SEZ6L: variants seen among roughly 807,000 people sequenced by gnomAD.
The protein encoded by SEZ6L is seizure related 6 homolog like, also known as seizure 6-like protein.
A neutral mutation model predicts 106.2 loss-of-function variants in SEZ6L; 37 were observed. The ratio of observed to expected loss-of-function variants is 0.35; its 90% confidence interval spans 0.27 to 0.46. The LOEUF (loss-of-function observed/expected upper bound fraction) is 0.46. SEZ6L is among the 20% of genes least tolerant of loss of function. The probability of loss-of-function intolerance (pLI) is 1.00; values close to 1 mark genes in which losing one functional copy is unlikely to be tolerated. For missense variants in SEZ6L, 1,172 were observed against 1,332.8 expected, an observed-to-expected ratio of 0.88 and a Z score of 1.88; for synonymous variants, 541 against 570.4, an observed-to-expected ratio of 0.95 and a Z score of 0.73.
intron 1 of SEZ6L, among the ~76,000 whole-genome samples, chr22:26,281,307 G>A (rs1415685309): frequency 6.6e-6 from 1 of 152,092 alleles, no homozygotes; most frequent in Non-Finnish European, 1.5e-5. Context: ...CCCACCAGGA[G>A]GAAGGCCTGA....
intron 10 of SEZ6L, among the ~76,000 whole-genome samples, chr22:26,342,934 T>A (rs2082888851): frequency 6.6e-6 from 1 of 152,240 alleles, no homozygotes; most frequent in Non-Finnish European, 1.5e-5. Flanking sequence ...TATTTCCAGA[T>A]GGTGAACATT....
chr22:26,313,635 T>A, intron 8 of SEZ6L, 129 bp from the exon 9 acceptor site: 2 of 992,126 alleles, frequency 2.0e-6, no homozygotes, highest in Non-Finnish European at 1.5e-6. Context: ...CTGCCCGAGG[T>A]GAAGACACCT....
At chr22:26,287,397 TTTGA>T (rs768155395) in intron 1 of SEZ6L, among the ~76,000 whole-genome samples, 3 of 152,184 alleles carry the variant, frequency 2.0e-5, no homozygotes, top group Non-Finnish European at 2.9e-5. Flanking sequence ...CACCCAACAC[TTTGA>T]TTGATTGACC....
chr22:26,315,872 A>C (rs1252382806), intron 9 of SEZ6L, among the ~76,000 whole-genome samples: 1 of 152,066 alleles, frequency 6.6e-6, no homozygotes, highest in Non-Finnish European at 1.5e-5. Flanking sequence ...AGCCTAGGCA[A>C]CATAGTGAGA....
At position 26,204,257 on chromosome 22, in the gene SEZ6L, A is replaced by G. The variant is rs543093887; in HGVS notation, c.94+34494A>G. 1.2e-4 allele frequency among the ~76,000 whole-genome samples: 19 copies of G among 152,304 alleles called. No individual in the cohort carries two copies. The East Asian group carries it at 2.7e-3, about 22-fold the overall frequency. Reference sequence around the variant, plus strand: ...GTCCCTCTTGGGACTCTTAATCCATATGGGAAGTCAGTCATGACACAGATG... The same window carrying G: ...GTCCCTCTTGGGACTCTTAATCCATGTGGGAAGTCAGTCATGACACAGATG... On this transcript the variant is annotated intron_variant, in intron 1 of 16. Transcript: ENST00000248933.
chr22:26,380,593 G>T lies in SEZ6L; in HGVS notation c.*298G>T. ...GCAGCAAAAACACAAAACAGCAGAT[G>T]GAGTTTCTCCCATCAGCAATGCCAT... On this transcript the variant is annotated 3_prime_UTR_variant, in exon 17 of 17. Coordinates refer to ENST00000248933, the MANE Select transcript of SEZ6L (RefSeq NM_021115.5). The T allele has an allele frequency of 2.9e-6, 1 of 341,110 alleles. No individual in the cohort carries two copies. 21.1% of individuals were successfully genotyped at this position (341,110 alleles called of 1,614,324 possible).
chr22:26,184,716 A>C (rs1056815883), intron 1 of SEZ6L, among the ~76,000 whole-genome samples: 2 of 152,198 alleles, frequency 1.3e-5, no homozygotes, highest in Non-Finnish European at 2.9e-5. Flanking sequence ...CGGATCATTC[A>C]ATGTTTGCAT....
At chr22:26,341,584 T>C (rs565431078) in intron 10 of SEZ6L, among the ~76,000 whole-genome samples, 95 of 152,236 alleles carry the variant, frequency 6.2e-4, no homozygotes, top group South Asian at 1.2e-3. Context: ...TCCAAATCCA[T>C]CTATCCAACT....
Position 26,369,180 on chromosome 22 carries a change from TG to T in SEZ6L, c.2794+3617del, listed in dbSNP as rs142609730. Among the ~76,000 whole-genome samples the T allele has an allele frequency of 7.4e-3, 1,120 of 151,822 alleles. 9 individuals carry two copies. The highest frequency in any genetic ancestry group is 0.014 in the Middle Eastern group (4 of 294). ...CCTTTCCACGGAGATTCTGATTCAC[TG>T]GGTCTAAAGCAGGACCCAGGGACCA... On this transcript the variant is annotated intron_variant, in intron 13 of 16. Coordinates refer to ENST00000248933, the MANE Select transcript of SEZ6L (RefSeq NM_021115.5).
At chr22:26,191,939 A>G (rs1940247327) in intron 1 of SEZ6L, among the ~76,000 whole-genome samples, 1 of 152,056 alleles carries the variant, frequency 6.6e-6, no homozygotes, top group African/African-American at 2.4e-5. Flanking sequence ...GAGTGAGGGC[A>G]CATCCACTAA....
At position 26,300,947 on chromosome 22, in the gene SEZ6L, G is replaced by A. The variant is rs539922232; in HGVS notation, c.1348+1778G>A. On this transcript the variant is annotated intron_variant, in intron 5 of 16. Transcript: ENST00000248933. ...TCACTTACTGACAGTGTTATTTGAT[G>A]CACAAAGCTTTTACATTTGGCAAAA... 1.8e-4 allele frequency among the ~76,000 whole-genome samples: 27 copies of A among 152,350 alleles called. No homozygotes were observed. The South Asian group carries it at 5.4e-3, about 30-fold the overall frequency.
At chr22:26,341,025 C>T (rs960379275) in intron 10 of SEZ6L, among the ~76,000 whole-genome samples, 9 of 151,198 alleles carry the variant, frequency 6.0e-5, no homozygotes, top group Admixed American at 1.3e-4. Context: ...TGAGATCTTA[C>T]ATCAACATAC....
chr22:26,231,337 C>T (rs549268055), intron 1 of SEZ6L, among the ~76,000 whole-genome samples: 3 of 152,268 alleles, frequency 2.0e-5, no homozygotes, highest in Admixed American at 2.0e-4. Context: ...TGACATGGAA[C>T]TCTGGTGAGC....
chr22:26,197,997 G>A (rs371052534), intron 1 of SEZ6L, among the ~76,000 whole-genome samples: 1 of 152,208 alleles, frequency 6.6e-6, no homozygotes, highest in African/African-American at 2.4e-5. Flanking sequence ...GGTGACACCA[G>A]ATCTCCCTGA....
intron 2 of SEZ6L, among the ~76,000 whole-genome samples, chr22:26,293,703 G>A (rs1175122950): frequency 1.3e-5 from 2 of 152,180 alleles, no homozygotes; most frequent in Admixed American, 1.3e-4. Context: ...CACAGCTAAT[G>A]AGCAAGATTC....
At chr22:26,326,790 G>A (rs1261570651) in intron 9 of SEZ6L, among the ~76,000 whole-genome samples, 1 of 152,208 alleles carries the variant, frequency 6.6e-6, no homozygotes, top group Non-Finnish European at 1.5e-5. Context: ...GGGCCGAGGT[G>A]GCAGGAAGCC....
At chr22:26,218,528 G>A (rs1480293532) in intron 1 of SEZ6L, among the ~76,000 whole-genome samples, 2 of 152,212 alleles carry the variant, frequency 1.3e-5, no homozygotes, top group African/African-American at 4.8e-5. Context: ...TAGGCTGGGC[G>A]TGGTGGCTTA....
chr22:26,288,063 G>T (rs150851769), intron 1 of SEZ6L, among the ~76,000 whole-genome samples: 1 of 152,186 alleles, frequency 6.6e-6, no homozygotes. Context: ...AGCCAGTTGG[G>T]GAATCTGTTT....
chr22:26,175,313 A>G (rs916000706), intron 1 of SEZ6L, among the ~76,000 whole-genome samples: 8 of 152,240 alleles, frequency 5.3e-5, no homozygotes, highest in African/African-American at 1.7e-4. Flanking sequence ...AGCATTTACT[A>G]TATCTCAGGC....
Sources: allele counts gnomAD v4.1 joint callset (sites outside exome capture counted in the v4.1 genomes callset), GRCh38; gene constraint gnomAD v4.1.1; transcripts MANE v1.5; gene names NCBI Gene and HGNC (gene_info 2026-07-23, HGNC 2026-07-21).